The following CCBE1 variants were observed in gnomAD, a reference collection of about 807,000 sequenced individuals.
CCBE1 encodes the protein collagen and calcium-binding EGF domain-containing protein 1.
In CCBE1, 37 loss-of-function variants were observed where a neutral mutation model predicts 50.0. That is an observed-to-expected ratio of 0.74 (90% CI 0.57 to 0.97). The LOEUF (loss-of-function observed/expected upper bound fraction) is 0.97, where lower values mean the gene tolerates loss of function less well. Ranked by LOEUF, CCBE1 falls within the 50% of genes least tolerant of loss-of-function variation. The pLI, the probability that CCBE1 is intolerant of heterozygous loss-of-function variation, is 0.00. For missense variants in CCBE1, 538 were observed against 523.8 expected, an observed-to-expected ratio of 1.03 and a Z score of -0.26; for synonymous variants, 234 against 203.7, an observed-to-expected ratio of 1.15 and a Z score of -1.27.
At chr18:59,568,777 G>T (rs894354601) in intron 2 of CCBE1, among the ~76,000 whole-genome samples, 1 of 152,202 alleles carries the variant, frequency 6.6e-6, no homozygotes, top group Non-Finnish European at 1.5e-5. Context: ...CCCTGCAGGT[G>T]ATCACCTGGA....
chr18:59,483,892 A>T (rs1373384056), intron 2 of CCBE1, among the ~76,000 whole-genome samples: 1 of 152,164 alleles, frequency 6.6e-6, no homozygotes, highest in African/African-American at 2.4e-5. Context: ...GCATAGATTA[A>T]TTTGACATTT....
chr18:59,547,452 T>C (rs758768971), intron 2 of CCBE1, among the ~76,000 whole-genome samples: 2 of 151,962 alleles, frequency 1.3e-5, no homozygotes, highest in East Asian at 1.9e-4. Flanking sequence ...CAGAAGGCAA[T>C]AGCAGACAGA....
In CCBE1 at chr18:59,634,659, T is replaced by C. The variant is rs1366925; in HGVS notation, c.212+61970A>G. ...CAGATCGGCATCTTCAAATGCATAG[T>C]ATAAAATAACTAAATTAGAAATATC... On this transcript the variant is annotated intron_variant, in intron 2 of 10. Transcript: ENST00000439986. Among the ~76,000 whole-genome samples, 565 of 152,318 alleles carry C rather than the reference T, an allele frequency of 3.7e-3. 5 individuals carry two copies. Among genetic ancestry groups the C allele is most frequent in the Non-Finnish European group, 5.7e-3 (390 of 68,032 alleles).
At chr18:59,663,611 C>A (rs1403861114) in intron 2 of CCBE1, among the ~76,000 whole-genome samples, 1 of 151,820 alleles carries the variant, frequency 6.6e-6, no homozygotes, top group Non-Finnish European at 1.5e-5. Context: ...CAGAGTCAAG[C>A]AGAGCTGGGT....
intron 2 of CCBE1, among the ~76,000 whole-genome samples, chr18:59,520,487 T>C (rs953422771): frequency 3.9e-5 from 6 of 152,170 alleles, no homozygotes. Context: ...TGGTAGTTTT[T>C]AAGAAAAAAA....
intron 2 of CCBE1, among the ~76,000 whole-genome samples, chr18:59,549,001 G>C (rs184546129): frequency 4.8e-4 from 73 of 151,648 alleles, no homozygotes; most frequent in African/African-American, 1.7e-3. Flanking sequence ...TACTCGGGAG[G>C]CTGAGGCAGG....
intron 2 of CCBE1, among the ~76,000 whole-genome samples, chr18:59,570,038 G>C (rs1427282809): frequency 1.3e-5 from 2 of 152,172 alleles, no homozygotes; most frequent in Non-Finnish European, 2.9e-5. Flanking sequence ...TACTTTTGAA[G>C]ATCTGTTACT....
chr18:59,528,310 T>G (rs1006073647), intron 2 of CCBE1, among the ~76,000 whole-genome samples: 4 of 151,882 alleles, frequency 2.6e-5, no homozygotes, highest in African/African-American at 9.7e-5. Context: ...GTTTTTCAGC[T>G]CCATCAGATC....
rs961369652 is a variant in CCBE1 at position 59,582,910 on chromosome 18, T to A, written c.213-102672A>T. Reference sequence around the variant, plus strand: ...TCACTGCAGCCTCCAGCTCCTGGGCTCGAGCAATCCTTCCACCTCTGCCTC... The same window carrying A: ...TCACTGCAGCCTCCAGCTCCTGGGCACGAGCAATCCTTCCACCTCTGCCTC... On this transcript the variant is annotated intron_variant, in intron 2 of 10. Coordinates refer to ENST00000439986, the MANE Select transcript of CCBE1 (RefSeq NM_133459.4). 7.2e-5 allele frequency among the ~76,000 whole-genome samples: 11 copies of A among 152,242 alleles called. No homozygotes were observed. In the East Asian group the frequency reaches 2.1e-3, roughly 29 times the overall value.
In CCBE1 at chr18:59,692,955, A is replaced by AACACAC. The variant is rs1568276448; in HGVS notation, c.212+3673_212+3674insGTGTGT. The stretch of plus-strand genomic sequence containing the variant: ...TAAAAGAACCACTTTGTCAAGCCAA[A>AACACAC]GCACACACACACACACACACACACA... On this transcript the variant is annotated intron_variant, in intron 2 of 10. Transcript: ENST00000439986. 7.2e-3 allele frequency among the ~76,000 whole-genome samples: 1,028 copies of AACACAC among 143,150 alleles called. 8 individuals carry two copies. The highest frequency in any genetic ancestry group is 8.7e-3 in the Admixed American group (125 of 14,430). 93.9% of individuals were successfully genotyped at this position (143,150 alleles called of 152,430 possible). A position where few individuals can be genotyped will look rare whatever the true frequency, so the allele number is the denominator to read the frequency against.
chr18:59,662,624 G>T (rs568243808), intron 2 of CCBE1, among the ~76,000 whole-genome samples: 3 of 152,320 alleles, frequency 2.0e-5, no homozygotes, highest in East Asian at 1.9e-4. Context: ...CCACAGGAAT[G>T]CATTGAAGGA....
intron 2 of CCBE1, among the ~76,000 whole-genome samples, chr18:59,573,596 A>C (rs1409652255): frequency 6.6e-6 from 1 of 151,998 alleles, no homozygotes; most frequent in African/African-American, 2.4e-5. Flanking sequence ...CAGAGTCTCC[A>C]AGACATTCAC....
chr18:59,608,945 C>T (rs1237731098), intron 2 of CCBE1, among the ~76,000 whole-genome samples: 1 of 152,196 alleles, frequency 6.6e-6, no homozygotes, highest in Non-Finnish European at 1.5e-5. Context: ...CTTCTATCCC[C>T]CACCTTCCAC....
chr18:59,495,947 A>C (rs1913336109), intron 2 of CCBE1, among the ~76,000 whole-genome samples: 1 of 152,250 alleles, frequency 6.6e-6, no homozygotes, highest in African/African-American at 2.4e-5. Flanking sequence ...CCAAGAAGAG[A>C]TGTTCCTGGT....
chr18:59,597,856 GA>G (rs1350875868), intron 2 of CCBE1, among the ~76,000 whole-genome samples: 1 of 152,130 alleles, frequency 6.6e-6, no homozygotes, highest in Non-Finnish European at 1.5e-5. Context: ...CTGACGTCAG[GA>G]TAACTGAGAG....
At chr18:59,613,355 T>C (rs2053597041) in intron 2 of CCBE1, among the ~76,000 whole-genome samples, 2 of 152,192 alleles carry the variant, frequency 1.3e-5, no homozygotes, top group Admixed American at 6.5e-5. Flanking sequence ...CAGAAAAGAT[T>C]CAAGAGTTGT....
chr18:59,449,184 T>C lies in CCBE1; in HGVS notation c.655-1081A>G, dbSNP rs75249196. ...CCTGCCACTTTCTACCTGTGGGATC[T>C]TGGGTAAGCTACACAACCTGGATTT... On this transcript the variant is annotated intron_variant, in intron 6 of 10. Transcript: ENST00000439986. Among the ~76,000 whole-genome samples, 650 of 152,284 alleles carry C rather than the reference T, an allele frequency of 4.3e-3. 32 individuals are homozygous for C. The East Asian group carries it at 0.11, about 25-fold the overall frequency.
intron 2 of CCBE1, among the ~76,000 whole-genome samples, chr18:59,637,569 A>G (rs1338782046): frequency 6.6e-6 from 1 of 152,236 alleles, no homozygotes; most frequent in Non-Finnish European, 1.5e-5. Flanking sequence ...ACAACTCATT[A>G]AAGTTCATTC....
intron 2 of CCBE1, among the ~76,000 whole-genome samples, chr18:59,512,574 A>T (rs1914178930): frequency 6.6e-6 from 1 of 152,254 alleles, no homozygotes; most frequent in Non-Finnish European, 1.5e-5. Context: ...CATTCCCTGT[A>T]TGACAGACAG....
Sources: allele counts gnomAD v4.1 joint callset (sites outside exome capture counted in the v4.1 genomes callset), GRCh38; gene constraint gnomAD v4.1.1; transcripts MANE v1.5; gene names NCBI Gene and HGNC (gene_info 2026-07-23, HGNC 2026-07-21).